The following NEK2 variants were observed in gnomAD, a reference collection of about 807,000 sequenced individuals.
The protein encoded by NEK2 is NIMA related kinase 2.
In NEK2, 28 loss-of-function variants were observed where a neutral mutation model predicts 54.1. The observed-to-expected ratio is 0.52, with a 90% CI of 0.38 to 0.71. The LOEUF (loss-of-function observed/expected upper bound fraction) is 0.71, where lower values mean the gene tolerates loss of function less well. NEK2 is among the 30% of genes least tolerant of loss of function. The probability of loss-of-function intolerance (pLI) is 0.00; values close to 1 mark genes in which losing one functional copy is unlikely to be tolerated. For missense variants in NEK2, 407 were observed against 531.5 expected, an observed-to-expected ratio of 0.77 and a Z score of 2.30; for synonymous variants, 176 against 193.1, an observed-to-expected ratio of 0.91 and a Z score of 0.73.
intron 5 of NEK2, 76 bp downstream of exon 5, chr1:211,670,205 T>C: frequency 2.2e-6 from 3 of 1,370,056 alleles, no homozygotes; most frequent in Non-Finnish European, 3.0e-6. Context: ...TCTCCATTGA[T>C]CTACAAGAGA....
Position 211,675,340 on chromosome 1 carries a change from C to A in NEK2, c.96+44G>T, listed in dbSNP as rs111426206. 1.3e-4 allele frequency: 202 copies of A among 1,579,960 alleles called. No homozygotes were observed. The African/African-American group carries it at 2.5e-3, about 19-fold the overall frequency. ...GCGCAGGGCGCTCGCCCCGAGGCGA[C>A]GAAACCTAAGCAGGGGCAGGCGCAG... On this transcript the variant is annotated intron_variant, in intron 1 of 7. Coordinates refer to ENST00000366999, the MANE Select transcript of NEK2 (RefSeq NM_002497.4).
In NEK2 at chr1:211,675,567, G is replaced by C; in HGVS notation, c.-88C>G. 3 of 1,106,556 alleles carry C rather than the reference G, an allele frequency of 2.7e-6. No homozygotes were observed. The highest frequency in any genetic ancestry group is 2.7e-6 in the Non-Finnish European group (2 of 732,758). The allele number at this position is 1,106,556 out of a possible 1,614,324, so 68.5% of individuals were successfully genotyped here. A position where few individuals can be genotyped will look rare whatever the true frequency, so the allele number is the denominator to read the frequency against. On this transcript the variant is annotated 5_prime_UTR_variant, in exon 1 of 8. The change creates a new upstream start codon in the 5' untranslated region. Transcript: ENST00000366999. ...AGGGACCAGGAACTCCAGGGACCTG[G>C]ATGGAGAAGCCCCCGAGCAGCACTG...
intron 7 of NEK2, among the ~76,000 whole-genome samples, chr1:211,665,703 G>A (rs1655158014): frequency 6.6e-6 from 1 of 152,128 alleles, no homozygotes; most frequent in South Asian, 2.1e-4. Context: ...GAAAAAAGAA[G>A]GTATTTTAAC....
chr1:211,671,212 A>T lies in NEK2; in HGVS notation c.628T>A (p.Cys210Ser). The T allele has an allele frequency of 1.2e-6, 2 of 1,611,552 alleles. No homozygotes were observed. Among genetic ancestry groups the T allele is most frequent in the East Asian group, 2.2e-5 (1 of 44,836 alleles). ...CTTCATCATACTTACATTAATGCACATAACTCATACAGCAAGCAGCCCAAT... is the reference window on the plus strand; with the variant it reads ...CTTCATCATACTTACATTAATGCACTTAACTCATACAGCAAGCAGCCCAAT... ...WSLGCLLYEL[C>S]ALMPPFTAFS... The change falls in exon 4 of 8, where the codon TGT becomes AGT. Residue 210 changes from cysteine to serine, a missense_variant. Coordinates refer to ENST00000366999, the MANE Select transcript of NEK2 (RefSeq NM_002497.4).
At chr1:211,664,312 G>A (rs926730597) in intron 7 of NEK2, among the ~76,000 whole-genome samples, 7 of 152,074 alleles carry the variant, frequency 4.6e-5, no homozygotes, top group Admixed American at 4.6e-4. Flanking sequence ...CTGGGGGCTG[G>A]AGGCTTACAG....
At position 211,675,444 on chromosome 1, in the gene NEK2, G is replaced by A; in HGVS notation, c.36C>T (p.Tyr12=). The change falls in exon 1 of 8, where the codon TAC becomes TAT. Residue 12 remains tyrosine (Y), a synonymous_variant. Transcript: ENST00000366999. The part of the protein sequence containing the change: ...PSRAEDYEVL[Y]TIGTGSYGRC... ...GGCCGTAGGAGCCTGTGCCAATGGT[G>A]TACAACACTTCATAGTCCTCAGCCC... is the stretch of plus-strand genomic sequence containing the variant. 5 of 1,613,866 alleles carry A rather than the reference G, an allele frequency of 3.1e-6. No homozygotes were observed. Among genetic ancestry groups the A allele is most frequent in the Non-Finnish European group, 4.2e-6 (5 of 1,179,812 alleles).
chr1:211,660,636 G>C (rs1654993071), downstream of NEK2: 1 of 646,068 alleles, frequency 1.5e-6, no homozygotes, highest in Non-Finnish European at 3.0e-6. Context: ...CTATAGGAAG[G>C]TAGAAAGAGT....
intron 2 of NEK2, 58 bp downstream of exon 2, chr1:211,674,238 C>T (rs1339908178): frequency 5.0e-6 from 7 of 1,407,816 alleles, no homozygotes; most frequent in South Asian, 1.3e-5. Flanking sequence ...AAACAAGATG[C>T]TTAAAATAAA....
intron 6 of NEK2, among the ~76,000 whole-genome samples, chr1:211,667,691 T>C (rs1460718562): frequency 6.6e-6 from 1 of 152,170 alleles, no homozygotes; most frequent in Non-Finnish European, 1.5e-5. Context: ...TTAGTATTAA[T>C]AACAAATGTT....
downstream of NEK2, among the ~76,000 whole-genome samples, chr1:211,658,266 C>A (rs546150503): frequency 1.3e-5 from 2 of 151,864 alleles, no homozygotes; most frequent in East Asian, 1.9e-4. Context: ...TTTAAAAATT[C>A]TTTAAAAGAT....
chr1:211,660,884 C>T (rs938512110), downstream of NEK2: 16 of 727,856 alleles, frequency 2.2e-5, no homozygotes, highest in East Asian at 1.6e-4. Context: ...TCCAAACCCA[C>T]GCCCAGCTTC....
rs779967834 is a variant in NEK2, at chr1:211,670,387, C to T, written c.659G>A (p.Ser220Asn). The T allele has an allele frequency of 6.2e-7, 1 of 1,613,480 alleles. No homozygotes were observed. Among genetic ancestry groups the T allele is most frequent in the Non-Finnish European group, 8.5e-7 (1 of 1,179,682 alleles). Residue 220 changes from serine (S) to asparagine (N), a missense_variant, in exon 5 of 8, where the codon AGC (serine) becomes AAC (asparagine). Ser to Asn is a conservative substitution (Grantham distance 46). Coordinates refer to ENST00000366999, the MANE Select transcript of NEK2 (RefSeq NM_002497.4). ...GATTTTCCCAGCGAGTTCTTTCTGG[C>T]TAAAAGCTGTAAATGGAGGCCTAGG... ...CALMPPFTAF[S>N]QKELAGKIRE...
At chr1:211,669,367 G>C in intron 5 of NEK2, 35 bp from the exon 6 acceptor site, 1 of 1,566,444 alleles carries the variant, frequency 6.4e-7, no homozygotes, top group Non-Finnish European at 8.8e-7. Context: ...TAGTCAGATT[G>C]CATAACAGAA....
chr1:211,670,450 A>G, intron 4 of NEK2, 43 bp from the exon 5 acceptor site: 1 of 1,581,188 alleles, frequency 6.3e-7, no homozygotes, highest in Non-Finnish European at 8.6e-7. Context: ...GACATTTTCA[A>G]ATTGTAAAAA....
At chr1:211,662,540 C>T (rs1211121478), downstream of NEK2, among the ~76,000 whole-genome samples, 2 of 152,140 alleles carry the variant, frequency 1.3e-5, no homozygotes, top group African/African-American at 2.4e-5. This position sits in a 1 kb window ranked among gnomAD's most constrained non-coding sequence, Gnocchi z 4.2. Context: ...ATCAAAAATG[C>T]CCCCAGACAT....
At chr1:211,669,699 C>A (rs1022872848) in intron 5 of NEK2, among the ~76,000 whole-genome samples, 2 of 152,246 alleles carry the variant, frequency 1.3e-5, no homozygotes, top group Non-Finnish European at 2.9e-5. Flanking sequence ...TACTCTCTCA[C>A]TGACTCTCAA....
At chr1:211,671,848 T>C (rs1655402542) in intron 3 of NEK2, among the ~76,000 whole-genome samples, 1 of 152,244 alleles carries the variant, frequency 6.6e-6, no homozygotes, top group Non-Finnish European at 1.5e-5. Context: ...GTTAGTGTTT[T>C]AAAGTCCAAC....
rs924484677 is a variant in NEK2, at chr1:211,669,212, A to G, written c.886T>C (p.Ser296Pro). 1 of 1,613,832 alleles carries G rather than the reference A, an allele frequency of 6.2e-7. No homozygotes were observed. Among genetic ancestry groups the G allele is most frequent in the Non-Finnish European group, 8.5e-7 (1 of 1,179,892 alleles). Residue 296 changes from serine (S) to proline (P), a missense_variant, in exon 6 of 8, where the codon TCG (serine) becomes CCG (proline). By Grantham distance (74) the Ser-to-Pro change is moderately conservative. Transcript: ENST00000366999. ...CTCAATACAGGGCTGGAATCCTGCGATTTTTCTGGCTCTCCTAATTGTCGC... is the reference window on the plus strand; with the variant it reads ...CTCAATACAGGGCTGGAATCCTGCGGTTTTTCTGGCTCTCCTAATTGTCGC... ...RGRQLGEPEK[S>P]QDSSPVLSEL...
rs534046984 is a variant in NEK2, at chr1:211,669,280, T to C, written c.818A>G (p.Asp273Gly). 147 of 1,614,158 alleles carry C rather than the reference T, an allele frequency of 9.1e-5. 2 individuals carry two copies. The South Asian group carries it at 1.4e-3, about 15-fold the overall frequency. ...TCTTCTTTGCTCGTCTGCAACCAAATCTGCTATTAAAGGGTTCTCAAGAAT... is the reference window on the plus strand; with the variant it reads ...TCTTCTTTGCTCGTCTGCAACCAAACCTGCTATTAAAGGGTTCTCAAGAAT... ...EEILENPLIA[D>G]LVADEQRRNL... The change falls in exon 6 of 8, where the codon GAT becomes GGT. Residue 273 changes from aspartate to glycine, a missense_variant. Physicochemically the swap from Asp to Gly is moderately conservative, Grantham distance 94. Coordinates refer to ENST00000366999, the MANE Select transcript of NEK2 (RefSeq NM_002497.4).
Sources: allele counts gnomAD v4.1 joint callset (sites outside exome capture counted in the v4.1 genomes callset), GRCh38; gene constraint gnomAD v4.1.1; non-coding constraint Gnocchi (gnomAD v3.1); transcripts MANE v1.5; gene names NCBI Gene and HGNC (gene_info 2026-07-23, HGNC 2026-07-21).